CELF6: variants seen among roughly 807,000 people sequenced by gnomAD.
CELF6 encodes the protein CUGBP Elav-like family member 6.
A neutral mutation model predicts 53.1 loss-of-function variants in CELF6; 32 were observed. The observed-to-expected ratio is 0.60, with a 90% CI of 0.46 to 0.81. CELF6 has a LOEUF of 0.81. Among genes scored for constraint, CELF6 ranks in the 30% least tolerant of loss-of-function variants. The pLI is 0.00. For missense variants in CELF6, 539 were observed against 669.5 expected (o/e 0.81, Z 2.15); for synonymous variants, 291 against 288.8 (o/e 1.01, Z -0.08).
intron 1 of CELF6, 115 bp from the exon 2 acceptor site, chr15:72,316,042 C>T: frequency 1.5e-6 from 1 of 663,256 alleles, no homozygotes; most frequent in Non-Finnish European, 2.5e-6. Flanking sequence ...AAGGACTCTG[C>T]TTTCTGAGAA....
In CELF6 at chr15:72,289,618, G is replaced by C. The variant is rs750315664; in HGVS notation, c.747+9C>G. ...TGCGCGCCCTCGCACGCAGGTGCCC[G>C]GTACCTACCGCCGTGGTGTAGGCGC... On this transcript the variant is annotated intron_variant, in intron 6 of 12. Transcript: ENST00000287202. The surrounding 1 kb of genome is among the most constrained non-coding windows in gnomAD (Gnocchi z 7.6). 5 of 1,500,534 alleles carry C rather than the reference G, an allele frequency of 3.3e-6. No homozygotes were observed. In the South Asian group the frequency reaches 6.3e-5, roughly 19 times the overall value. The allele number at this position is 1,500,534 out of a possible 1,614,324, so 93.0% of individuals were successfully genotyped here. A position where few individuals can be genotyped will look rare whatever the true frequency, so the allele number is the denominator to read the frequency against.
At position 72,288,183 on chromosome 15, in the gene CELF6, C is replaced by A. The variant is rs559202997; in HGVS notation, c.1318+125G>T. The A allele has an allele frequency of 2.6e-5, 28 of 1,089,158 alleles. No homozygotes were observed. The highest frequency in any genetic ancestry group is 9.0e-5 in the Admixed American group (5 of 55,314). The allele number at this position is 1,089,158 out of a possible 1,614,324, so 67.5% of individuals were successfully genotyped here. ...ACTTAGGCCCATCACTGGTTTGTGA[C>A]CCTGTTTTGTGCCATACATTCAATC... On this transcript the variant is annotated intron_variant, in intron 11 of 12. Transcript: ENST00000287202. The surrounding 1 kb of genome is among the most constrained non-coding windows in gnomAD (Gnocchi z 4.6).
In CELF6 at chr15:72,290,389, C is replaced by T. The variant is rs760474927; in HGVS notation, c.395-134G>A. 5.8e-4 allele frequency: 642 copies of T among 1,107,156 alleles called. 1 individual carries two copies. The highest frequency in any genetic ancestry group is 7.4e-4 in the Non-Finnish European group (586 of 795,750). The allele number at this position is 1,107,156 out of a possible 1,614,324, so 68.6% of individuals were successfully genotyped here. Reference sequence around the variant, plus strand: ...AGGGAGTGAGAAGGCCCTGGGCTTCCAGGGTTGGTTTTCATTGAGGGGCAG... The same window carrying T: ...AGGGAGTGAGAAGGCCCTGGGCTTCTAGGGTTGGTTTTCATTGAGGGGCAG... On this transcript the variant is annotated intron_variant, in intron 3 of 12. Transcript: ENST00000287202.
At chr15:72,290,992 C>T (rs1406600741) in intron 3 of CELF6, among the ~76,000 whole-genome samples, 1 of 152,188 alleles carries the variant, frequency 6.6e-6, no homozygotes, top group Non-Finnish European at 1.5e-5. Context: ...CCACCTCCAC[C>T]ACCCTGTCCC....
At chr15:72,290,102 A>C in intron 4 of CELF6, 25 bp downstream of exon 4, 1 of 1,613,138 alleles carries the variant, frequency 6.2e-7, no homozygotes, top group Non-Finnish European at 8.5e-7. Flanking sequence ...GGTCACCAGG[A>C]AATCCCGGGG....
At position 72,320,024 on chromosome 15, in the gene CELF6, G is replaced by A. The variant is rs1235081670; in HGVS notation, c.-150C>T. Reference sequence around the variant, plus strand: ...CCCAGGGGGCGGGGTCCGGGTGGAGGGGCGTAGAGGGGGTGGGGCGGGCAG... The same window carrying A: ...CCCAGGGGGCGGGGTCCGGGTGGAGAGGCGTAGAGGGGGTGGGGCGGGCAG... On this transcript the variant is annotated 5_prime_UTR_variant, in exon 1 of 13. Coordinates refer to ENST00000287202, the MANE Select transcript of CELF6 (RefSeq NM_052840.5). 3.0e-6 allele frequency: 2 copies of A among 675,220 alleles called. No homozygotes were observed. Among genetic ancestry groups the A allele is most frequent in the Admixed American group, 4.5e-5 (2 of 44,328 alleles). The allele number at this position is 675,220 out of a possible 1,614,324, so 41.8% of individuals were successfully genotyped here. A position where few individuals can be genotyped will look rare whatever the true frequency, so the allele number is the denominator to read the frequency against.
At chr15:72,313,472 T>C (rs1169509596) in intron 2 of CELF6, among the ~76,000 whole-genome samples, 2 of 152,212 alleles carry the variant, frequency 1.3e-5, no homozygotes, top group African/African-American at 4.8e-5. Flanking sequence ...CCCTGTGTCT[T>C]GTGGAGGAGA....
rs770715686 is a variant in CELF6 at position 72,319,084 on chromosome 15, C to T, written c.262+529G>A. Reference sequence around the variant, plus strand: ...TGAAGAAGGGGAGGGTTTGGGTCTGCGGTGTTTTAGGTTGGCAGTCTGAGA... The same window carrying T: ...TGAAGAAGGGGAGGGTTTGGGTCTGTGGTGTTTTAGGTTGGCAGTCTGAGA... On this transcript the variant is annotated intron_variant, in intron 1 of 12. Coordinates refer to ENST00000287202, the MANE Select transcript of CELF6 (RefSeq NM_052840.5). This position sits in a 1 kb window ranked among gnomAD's most constrained non-coding sequence, Gnocchi z 5.0. Among the ~76,000 whole-genome samples the T allele has an allele frequency of 2.6e-5, 4 of 151,762 alleles. No homozygotes were observed. Among genetic ancestry groups the T allele is most frequent in the East Asian group, 3.9e-4 (2 of 5,180 alleles).
chr15:72,295,688 T>C (rs1463708799), intron 3 of CELF6, among the ~76,000 whole-genome samples: 2 of 145,298 alleles, frequency 1.4e-5, no homozygotes, highest in African/African-American at 2.6e-5. Flanking sequence ...ATCACGCCAC[T>C]GCACTCCAGC....
At chr15:72,287,199 C>T (rs946705323) in intron 12 of CELF6, 38 bp downstream of exon 12, 2 of 1,571,826 alleles carry the variant, frequency 1.3e-6, no homozygotes, top group African/African-American at 1.4e-5. Context: ...GGCCTCATCA[C>T]TCAGGCCTCA....
At chr15:72,317,763 T>C (rs1311912754) in intron 1 of CELF6, among the ~76,000 whole-genome samples, 2 of 152,112 alleles carry the variant, frequency 1.3e-5, no homozygotes, top group East Asian at 3.9e-4. Context: ...CCCTGCTCTG[T>C]GTTTTGCTAC....
Position 72,289,607 on chromosome 15 carries a change from C to T in CELF6, c.747+20G>A. The T allele has an allele frequency of 6.7e-7, 1 of 1,486,864 alleles. No individual in the cohort carries two copies. The highest frequency in any genetic ancestry group is 8.9e-7 in the Non-Finnish European group (1 of 1,126,506). The allele number at this position is 1,486,864 out of a possible 1,614,324, so 92.1% of individuals were successfully genotyped here. On this transcript the variant is annotated intron_variant, in intron 6 of 12. Coordinates refer to ENST00000287202, the MANE Select transcript of CELF6 (RefSeq NM_052840.5). This position sits in a 1 kb window ranked among gnomAD's most constrained non-coding sequence, Gnocchi z 7.6. ...GCCCACCCACCTGCGCGCCCTCGCA[C>T]GCAGGTGCCCGGTACCTACCGCCGT...
At chr15:72,304,935 C>A (rs2088207382) in intron 2 of CELF6, 141 bp from the exon 3 acceptor site, 3 of 678,140 alleles carry the variant, frequency 4.4e-6, no homozygotes, top group Non-Finnish European at 7.7e-6. Flanking sequence ...ACTGGGATTA[C>A]AGATTTTCTC....
At chr15:72,309,549 A>C (rs2140303885) in intron 2 of CELF6, among the ~76,000 whole-genome samples, 1 of 152,260 alleles carries the variant, frequency 6.6e-6, no homozygotes, top group African/African-American at 2.4e-5. Context: ...GGAACCCAAG[A>C]GAGTAAGAAC....
chr15:72,293,774 A>G (rs576938862), intron 3 of CELF6, among the ~76,000 whole-genome samples: 2 of 151,230 alleles, frequency 1.3e-5, no homozygotes, highest in East Asian at 3.9e-4. Context: ...GCTCACTGCA[A>G]TCTCCTCCTC....
chr15:72,314,602 T>TTTTTTTTGTG (rs1555470421), intron 2 of CELF6, among the ~76,000 whole-genome samples: 24 of 145,018 alleles, frequency 1.7e-4, no homozygotes, highest in African/African-American at 5.4e-4. Flanking sequence ...TTTTTTTTTT[T>TTTTTTTTGTG]TTTTTTTTTT....
chr15:72,304,034 C>A (rs2088192476), intron 3 of CELF6, among the ~76,000 whole-genome samples: 1 of 151,994 alleles, frequency 6.6e-6, no homozygotes. Context: ...CCACACCCGG[C>A]TAATTTATCT....
rs2087908556 is a variant in CELF6 at position 72,285,374 on chromosome 15, G to C, written c.*997C>G. The C allele has an allele frequency of 6.6e-6, 1 of 152,478 alleles. No individual in the cohort carries two copies. Among genetic ancestry groups the C allele is most frequent in the Non-Finnish European group, 1.5e-5 (1 of 68,070 alleles). 9.4% of individuals were successfully genotyped at this position (152,478 alleles called of 1,614,324 possible). A position where few individuals can be genotyped will look rare whatever the true frequency, so the allele number is the denominator to read the frequency against. On this transcript the variant is annotated 3_prime_UTR_variant, in exon 13 of 13. Coordinates refer to ENST00000287202, the MANE Select transcript of CELF6 (RefSeq NM_052840.5). ...TGTCACAGCCCTCTACAGATATCCT[G>C]AATCTACTTTACAGGTGGGCAAACT...
At chr15:72,295,250 G>A (rs1039069862) in intron 3 of CELF6, among the ~76,000 whole-genome samples, 2 of 149,304 alleles carry the variant, frequency 1.3e-5, no homozygotes, top group East Asian at 2.0e-4. Flanking sequence ...CAGGAGAATC[G>A]CTTGAACCTG....
Sources: gnomAD v4.1 joint callset for allele counts (sites outside exome capture counted in the v4.1 genomes callset) on GRCh38, gnomAD v4.1.1 for gene constraint, Gnocchi (gnomAD v3.1) non-coding constraint, MANE v1.5 for transcripts, NCBI Gene and HGNC (gene_info 2026-07-23, HGNC 2026-07-21) for gene names.